The following SLC4A5 variants were observed in gnomAD, a reference collection of about 807,000 sequenced individuals.
SLC4A5 encodes the protein electrogenic sodium bicarbonate cotransporter 4.
Under a neutral mutation model 120.4 loss-of-function variants are expected in SLC4A5, and 96 were observed. The observed-to-expected ratio is 0.80, with a 90% CI of 0.68 to 0.94. The LOEUF is 0.94. Among genes scored for constraint, SLC4A5 ranks in the 40% least tolerant of loss-of-function variants. The pLI is 0.00. For synonymous variants in SLC4A5, 550 were observed against 571.1 expected (o/e 0.96, Z 0.53); for missense variants, 1,259 against 1,459.5 (o/e 0.86, Z 2.24).
At chr2:74,218,927 A>G (rs539998624) in intron 30 of SLC4A5, 135 bp from the exon 31 acceptor site, 1 of 152,304 alleles carries the variant, frequency 6.6e-6, no homozygotes, top group South Asian at 2.1e-4. Flanking sequence ...GCAGTTTCCT[A>G]TTGGCTTGGC....
At chr2:74,291,151 G>A (rs1672154060) in intron 7 of SLC4A5, among the ~76,000 whole-genome samples, 1 of 152,170 alleles carries the variant, frequency 6.6e-6, no homozygotes, top group Non-Finnish European at 1.5e-5. Flanking sequence ...TACACTTCCT[G>A]TTCCTCCACC....
intron 8 of SLC4A5, 115 bp from the exon 9 acceptor site, chr2:74,265,379 G>T: frequency 7.9e-7 from 1 of 1,259,520 alleles, no homozygotes; most frequent in African/African-American, 1.5e-5. Context: ...TGGTTGTGGT[G>T]TTGGTCCCAG....
At chr2:74,227,108 A>G in exon 27 of SLC4A5, 2 of 1,613,400 alleles carry the variant, frequency 1.2e-6, no homozygotes, top group East Asian at 2.2e-5. Context: ...TGGCATCAGG[A>G]AGAGCTTGCA....
rs555178474 is a variant in SLC4A5 at position 74,324,984 on chromosome 2, C to A, written c.-3+3136G>T. ...GAAGCATTCAAGAAAAGTAGAGAAA[C>A]AGAGTCCAGATAACACTGTGACTCC... On this transcript the variant is annotated intron_variant, in intron 5 of 30. Coordinates refer to ENST00000394019, the Ensembl canonical transcript of SLC4A5. 2.0e-5 allele frequency among the ~76,000 whole-genome samples: 3 copies of A among 152,160 alleles called. No individual in the cohort carries two copies. The South Asian group carries it at 6.2e-4, about 32-fold the overall frequency.
chr2:74,295,564 G>A (rs1485693408), intron 7 of SLC4A5, among the ~76,000 whole-genome samples: 1 of 152,218 alleles, frequency 6.6e-6, no homozygotes, highest in East Asian at 1.9e-4. Flanking sequence ...AATCTGGGAG[G>A]CAGAGGTTGC....
chr2:74,290,823 C>T (rs1672142803), intron 7 of SLC4A5: 2 of 937,188 alleles, frequency 2.1e-6, no homozygotes, highest in Non-Finnish European at 1.3e-6. Context: ...TGCCCCTTTA[C>T]CCCCTTCCCC....
At chr2:74,341,384 A>T (rs1213975735) in intron 2 of SLC4A5, among the ~76,000 whole-genome samples, 1 of 152,152 alleles carries the variant, frequency 6.6e-6, no homozygotes, top group Non-Finnish European at 1.5e-5. Flanking sequence ...TTTACCACAT[A>T]AGTCATGTTT....
intron 2 of SLC4A5, among the ~76,000 whole-genome samples, chr2:74,340,607 G>A (rs1235926582): frequency 6.6e-6 from 1 of 152,176 alleles, no homozygotes; most frequent in African/African-American, 2.4e-5. Flanking sequence ...GGTGGAAAAA[G>A]CTGGCCTTTG....
In SLC4A5 at chr2:74,227,144, G is replaced by A. The variant is rs745865312; in HGVS notation, c.2917-14C>T. The A allele has an allele frequency of 1.1e-5, 18 of 1,596,258 alleles. No individual in the cohort carries two copies. The highest frequency in any genetic ancestry group is 4.5e-5 in the South Asian group (4 of 89,446). On this transcript the variant is annotated splice_polypyrimidine_tract_variant and intron_variant, in intron 26 of 30. Transcript: ENST00000394019. ...GCGTTCCCAGAACTAGGGGGACAGC[G>A]GGGGCTCAGCCAGGCAGCCAGACCC...
intron 17 of SLC4A5, among the ~76,000 whole-genome samples, chr2:74,249,280 G>T (rs1670717316): frequency 6.6e-6 from 1 of 152,168 alleles, no homozygotes; most frequent in Non-Finnish European, 1.5e-5. Flanking sequence ...AGTCAGGAAG[G>T]CCTCCCTAGA....
Position 74,320,369 on chromosome 2 carries a change from G to A in SLC4A5, c.-2-5344C>T, listed in dbSNP as rs1673066178. On this transcript the variant is annotated intron_variant, in intron 5 of 30. Transcript: ENST00000394019. Reference sequence around the variant, plus strand: ...AAGTCACATCATTATGAAGCATTAGGACTTCATGGATAAAGAAATCTTAAA... The same window carrying A: ...AAGTCACATCATTATGAAGCATTAGAACTTCATGGATAAAGAAATCTTAAA... Among the ~76,000 whole-genome samples the A allele has an allele frequency of 3.3e-5, 5 of 151,988 alleles. No individual in the cohort carries two copies. The South Asian group carries it at 1.0e-3, about 32-fold the overall frequency.
At chr2:74,290,892 C>T (rs553872958) in intron 7 of SLC4A5, among the ~76,000 whole-genome samples, 27 of 152,110 alleles carry the variant, frequency 1.8e-4, no homozygotes, top group Non-Finnish European at 3.8e-4. Context: ...CTCTGCAGGC[C>T]CCTTTATAAA....
chr2:74,283,014 A>G (rs34218400), intron 8 of SLC4A5, among the ~76,000 whole-genome samples: 22,026 of 152,158 alleles, frequency 0.14, 2,174 homozygotes, highest in Non-Finnish European at 0.21. Flanking sequence ...CTTCCCTGTC[A>G]ATCTTGGATA....
rs949989088 is a variant in SLC4A5 at position 74,328,066 on chromosome 2, C to T, written c.-3+54G>A. ...TGTTCATGCTATGAAACACATTTTCCCTTATCTGCATAGCTCTGTCTACTT... is the reference window on the plus strand; with the variant it reads ...TGTTCATGCTATGAAACACATTTTCTCTTATCTGCATAGCTCTGTCTACTT... On this transcript the variant is annotated intron_variant, in intron 5 of 30. Coordinates refer to ENST00000394019, the Ensembl canonical transcript of SLC4A5. 5 of 924,346 alleles carry T rather than the reference C, an allele frequency of 5.4e-6. No individual in the cohort carries two copies. The African/African-American group carries it at 8.9e-5, about 17-fold the overall frequency. 57.3% of individuals were successfully genotyped at this position (924,346 alleles called of 1,614,324 possible). A position where few individuals can be genotyped will look rare whatever the true frequency, so the allele number is the denominator to read the frequency against.
At position 74,255,982 on chromosome 2, in the gene SLC4A5, C is replaced by T; in HGVS notation, c.868-50G>A. The T allele has an allele frequency of 6.3e-7, 1 of 1,593,540 alleles. No individual in the cohort carries two copies. Among genetic ancestry groups the T allele is most frequent in the Non-Finnish European group, 8.6e-7 (1 of 1,164,886 alleles). On this transcript the variant is annotated intron_variant, in intron 12 of 30. Coordinates refer to ENST00000394019, the Ensembl canonical transcript of SLC4A5. This position sits in a 1 kb window ranked among gnomAD's most constrained non-coding sequence, Gnocchi z 4.0. ...AGCCAAGGAGACTCCCACCTGCTCT[C>T]ACTCCCTCACTCCCCTTCAGACTGC...
chr2:74,287,477 G>T (rs1029002156), intron 7 of SLC4A5, among the ~76,000 whole-genome samples: 3 of 152,170 alleles, frequency 2.0e-5, no homozygotes, highest in African/African-American at 7.2e-5. Context: ...GTAAGAGAAT[G>T]AAATGCCTGA....
At chr2:74,224,284 C>T (rs796241484) in intron 28 of SLC4A5, among the ~76,000 whole-genome samples, 6 of 152,274 alleles carry the variant, frequency 3.9e-5, no homozygotes, top group African/African-American at 1.4e-4. Flanking sequence ...GATGGGGCAA[C>T]CATGTTGTCC....
At chr2:74,324,427 G>A (rs767535636) in intron 5 of SLC4A5, among the ~76,000 whole-genome samples, 6 of 152,152 alleles carry the variant, frequency 3.9e-5, no homozygotes, top group Non-Finnish European at 5.9e-5. Context: ...CAGAAAGCTT[G>A]TTAAAATAGA....
chr2:74,231,148 C>T, intron 25 of SLC4A5, 88 bp downstream of exon 25: 1 of 1,249,534 alleles, frequency 8.0e-7, no homozygotes, highest in Non-Finnish European at 1.1e-6. Context: ...CCAGTGATCC[C>T]TAGCCATGTG....
Sources: gnomAD v4.1 joint callset for allele counts (sites outside exome capture counted in the v4.1 genomes callset) on GRCh38, gnomAD v4.1.1 for gene constraint, Gnocchi (gnomAD v3.1) non-coding constraint, MANE v1.5 for transcripts, NCBI Gene and HGNC (gene_info 2026-07-23, HGNC 2026-07-21) for gene names.